Variants in DSE observed in about 807,000 individuals in gnomAD.
The protein encoded by DSE is dermatan sulfate epimerase, also known as dermatan-sulfate epimerase.
Under a neutral mutation model 84.4 loss-of-function variants are expected in DSE, and 36 were observed. That is an observed-to-expected ratio of 0.43 (90% confidence interval 0.33 to 0.56). DSE has a LOEUF of 0.56. Among genes scored for constraint, DSE ranks in the 20% least tolerant of loss-of-function variants. The probability of loss-of-function intolerance (pLI) is 0.06; values close to 1 mark genes in which losing one functional copy is unlikely to be tolerated. For missense variants in DSE, 862 were observed against 1,169.6 expected (o/e 0.74, Z 3.84); for synonymous variants, 410 against 430.1 (o/e 0.95, Z 0.58).
chr6:116,431,464 T>G (rs1783838130), intron 4 of DSE, among the ~76,000 whole-genome samples: 1 of 152,174 alleles, frequency 6.6e-6, no homozygotes, highest in Non-Finnish European at 1.5e-5. Context: ...TACTTTTTTT[T>G]TATATATCCA....
At chr6:116,360,656 C>T (rs746976299) in intron 2 of DSE, among the ~76,000 whole-genome samples, 4 of 152,090 alleles carry the variant, frequency 2.6e-5, no homozygotes, top group East Asian at 1.9e-4. Flanking sequence ...CCACGTTGGC[C>T]GCATCATAAT....
chr6:116,353,319 G>A (rs1778411126), intron 2 of DSE, among the ~76,000 whole-genome samples: 1 of 152,150 alleles, frequency 6.6e-6, no homozygotes, highest in African/African-American at 2.4e-5. Flanking sequence ...TGATGGAATT[G>A]TGCATGTGTG....
At chr6:116,279,199 T>G in intron 2 of DSE, 1 of 1,610,672 alleles carries the variant, frequency 6.2e-7, no homozygotes, top group Non-Finnish European at 8.5e-7. Context: ...CGCCTCCTCC[T>G]CCAATCTATC....
chr6:116,290,037 A>G (rs1239691548), intron 2 of DSE, among the ~76,000 whole-genome samples: 1 of 152,114 alleles, frequency 6.6e-6, no homozygotes, highest in African/African-American at 2.4e-5. Context: ...TCCATTACAT[A>G]GGTAGTATTC....
chr6:116,394,974 G>A (rs4278046), intron 1 of DSE, among the ~76,000 whole-genome samples: 3,178 of 152,332 alleles, frequency 0.021, 44 homozygotes, highest in Non-Finnish European at 0.032. Context: ...GATTTAAAGG[G>A]CCTGGGAGTG....
chr6:116,365,915 A>AG (rs1418539078), upstream of DSE, among the ~76,000 whole-genome samples: 1 of 152,226 alleles, frequency 6.6e-6, no homozygotes, highest in Non-Finnish European at 1.5e-5. Context: ...TCTGAGAGGT[A>AG]GGGTATCACT....
chr6:116,392,013 G>A (rs556200734), intron 1 of DSE, among the ~76,000 whole-genome samples: 330 of 152,224 alleles, frequency 2.2e-3, no homozygotes, highest in Non-Finnish European at 3.6e-3. Flanking sequence ...TTTTAATTAT[G>A]CATTTAATAA....
At chr6:116,373,181 G>A (rs1779713072) in intron 1 of DSE, among the ~76,000 whole-genome samples, 1 of 151,876 alleles carries the variant, frequency 6.6e-6, no homozygotes, top group African/African-American at 2.4e-5. Context: ...GGTGAAACCC[G>A]GTCTCTACTA....
chr6:116,438,218 TG>T lies in DSE; in HGVS notation c.*874del, dbSNP rs1181119831. 1.3e-5 allele frequency: 2 copies of T among 152,584 alleles called. No homozygotes were observed. The highest frequency in any genetic ancestry group is 2.9e-5 in the Non-Finnish European group (2 of 67,986). The allele number at this position is 152,584 out of a possible 1,614,324, so 9.5% of individuals were successfully genotyped here. A position where few individuals can be genotyped will look rare whatever the true frequency, so the allele number is the denominator to read the frequency against. On this transcript the variant is annotated 3_prime_UTR_variant, in exon 6 of 6. Transcript: ENST00000644252. Reference sequence around the variant, plus strand: ...GTCTAAAATTTGGATATGATTCTTATGTTTTTTTAATAGAAAACCTTCTTCA... The same window carrying T: ...GTCTAAAATTTGGATATGATTCTTATTTTTTTTAATAGAAAACCTTCTTCA...
intron 2 of DSE, among the ~76,000 whole-genome samples, chr6:116,287,185 T>C (rs541247520): frequency 1.3e-5 from 2 of 152,202 alleles, no homozygotes; most frequent in African/African-American, 4.8e-5. Context: ...TTGAGCACTG[T>C]TCTAGGAAAT....
At chr6:116,278,846 G>C in intron 2 of DSE, 1 of 1,614,082 alleles carries the variant, frequency 6.2e-7, no homozygotes, top group Non-Finnish European at 8.5e-7. Context: ...CTGAAGTAGG[G>C]GTTTCTTCTA....
chr6:116,331,180 G>A (rs1298904098), intron 2 of DSE, among the ~76,000 whole-genome samples: 1 of 152,118 alleles, frequency 6.6e-6, no homozygotes, highest in Non-Finnish European at 1.5e-5. Flanking sequence ...TAGAAATACT[G>A]AAAACTTTCT....
intron 2 of DSE, among the ~76,000 whole-genome samples, chr6:116,338,201 TTACC>T (rs1777371621): frequency 2.7e-5 from 4 of 145,814 alleles, no homozygotes; most frequent in Admixed American, 2.0e-4. Context: ...TTCTTTCTTC[TTACC>T]TTCTTTCTTC....
chr6:116,334,591 C>T (rs1777132723), intron 2 of DSE, among the ~76,000 whole-genome samples: 1 of 152,146 alleles, frequency 6.6e-6, no homozygotes, highest in Non-Finnish European at 1.5e-5. Flanking sequence ...ATCATGAAAT[C>T]TTTGCCCATT....
rs1583162724 is a variant in DSE, at chr6:116,393,887, A to G, written c.-53-5311A>G. ...TTTGTACTACCATTTGTTTCATTCT[A>G]TAAACAGTCCCAGATCATTTGAAAC... On this transcript the variant is annotated intron_variant, in intron 1 of 5. Coordinates refer to ENST00000644252, the MANE Select transcript of DSE (RefSeq NM_013352.4). 4.6e-5 allele frequency among the ~76,000 whole-genome samples: 7 copies of G among 152,332 alleles called. 3 individuals carry two copies. The highest frequency in any genetic ancestry group is 4.6e-4 in the Admixed American group (7 of 15,306).
At chr6:116,311,878 A>G (rs1775713552) in intron 2 of DSE, among the ~76,000 whole-genome samples, 1 of 152,152 alleles carries the variant, frequency 6.6e-6, no homozygotes. Flanking sequence ...ACATTTACTT[A>G]TATGTAAATG....
At chr6:116,398,296 A>T (rs1052262546) in intron 1 of DSE, among the ~76,000 whole-genome samples, 2 of 152,176 alleles carry the variant, frequency 1.3e-5, no homozygotes, top group Non-Finnish European at 2.9e-5. Flanking sequence ...ATGTTCTTTT[A>T]ACCAGTGCAC....
chr6:116,432,989 T>G (rs1035529024), intron 4 of DSE: 3 of 221,922 alleles, frequency 1.4e-5, no homozygotes, highest in Non-Finnish European at 1.8e-5. Flanking sequence ...TCATTCCAGG[T>G]TCAGAAACCC....
At chr6:116,313,162 T>C (rs11970221) in intron 2 of DSE, among the ~76,000 whole-genome samples, 67,196 of 152,068 alleles carry the variant, frequency 0.44, 16,653 homozygotes, top group Non-Finnish European at 0.57. Context: ...ATTGGAGTTA[T>C]GCTCCTTAAG....
Sources: allele counts gnomAD v4.1 joint callset (sites outside exome capture counted in the v4.1 genomes callset), GRCh38; gene constraint gnomAD v4.1.1; transcripts MANE v1.5; gene names NCBI Gene and HGNC (gene_info 2026-07-23, HGNC 2026-07-21).